GPR174: variants seen among roughly 807,000 people sequenced by gnomAD.
The protein encoded by GPR174 is probable G protein-coupled receptor 174.
A neutral mutation model predicts 16.5 loss-of-function variants in GPR174; 8 were observed. That is an observed-to-expected ratio of 0.48 (90% confidence interval 0.28 to 0.87). The LOEUF is 0.87. Among genes scored for constraint, GPR174 ranks in the 40% least tolerant of loss-of-function variants. The probability of loss-of-function intolerance (pLI) is 0.09; values close to 1 mark genes in which losing one functional copy is unlikely to be tolerated. For missense variants in GPR174, 214 were observed against 247.5 expected (o/e 0.86, Z 0.91); for synonymous variants, 111 against 94.8 (o/e 1.17, Z -0.99).
At chrX:79,168,371 C>T (rs1003268495) in intron 2 of GPR174, among the ~76,000 whole-genome samples, 7 of 111,391 alleles carry the variant, frequency 6.3e-5, no homozygotes, top group African/African-American at 2.3e-4. Flanking sequence ...CTTCACACCC[C>T]AGATGGCATC....
chrX:79,161,013 T>C (rs918692338), intron 2 of GPR174, among the ~76,000 whole-genome samples: 2 of 112,097 alleles, frequency 1.8e-5, no homozygotes, highest in Non-Finnish European at 3.8e-5. Context: ...GATAGTTAAG[T>C]AGGTAAGTAG....
chrX:79,145,556 T>C (rs983575285), intron 1 of GPR174, among the ~76,000 whole-genome samples: 1 of 111,754 alleles, frequency 8.9e-6, no homozygotes, highest in Admixed American at 9.5e-5. Context: ...TTAAGTAGAG[T>C]TGCTTACATA....
intron 1 of GPR174, among the ~76,000 whole-genome samples, chrX:79,147,873 T>G (rs769053979): frequency 8.9e-6 from 1 of 111,950 alleles, no homozygotes; most frequent in South Asian, 3.7e-4. Flanking sequence ...GAGTGCTATC[T>G]GAGATCTGAA....
At position 79,172,072 on chromosome X, in the gene GPR174, C is replaced by T. The variant is rs769649055; in HGVS notation, c.*63C>T. 101 of 1,069,005 alleles carry T rather than the reference C, an allele frequency of 9.4e-5. 1 individual carries two copies. In the South Asian group the frequency reaches 2.1e-3, roughly 23 times the overall value. 88.1% of individuals were successfully genotyped at this position (1,069,005 alleles called of 1,213,427 possible). A position where few individuals can be genotyped will look rare whatever the true frequency, so the allele number is the denominator to read the frequency against. ...TACATCAGAACATATCTGCAATACC[C>T]AAGCCACAGGGAAGAACTTGCAAAA... On this transcript the variant is annotated 3_prime_UTR_variant, in exon 3 of 3. Transcript: ENST00000645147.
chrX:79,147,153 T>C (rs1602334420), intron 1 of GPR174, among the ~76,000 whole-genome samples: 1 of 111,425 alleles, frequency 9.0e-6, no homozygotes, highest in East Asian at 2.8e-4. Flanking sequence ...AGTAGGTTCA[T>C]AGTGCACATT....
In GPR174 at chrX:79,175,168, T is replaced by C. The variant is rs1921611820; in HGVS notation, c.*3159T>C. 9.0e-6 allele frequency: 1 copy of C among 111,532 alleles called. No homozygotes were observed. Among genetic ancestry groups the C allele is most frequent in the Non-Finnish European group, 1.9e-5 (1 of 53,087 alleles). The allele number at this position is 111,532 out of a possible 1,213,427, so 9.2% of individuals were successfully genotyped here. On this transcript the variant is annotated 3_prime_UTR_variant, in exon 3 of 3. Transcript: ENST00000645147. ...AGCTGCCTTGGTCTGAGAGGGTGCA[T>C]CTGTGGAACTCTTGCGCAACTTACA...
rs187941424 is a variant in GPR174, at chrX:79,168,008, C to T, written c.-556-2444C>T. Among the ~76,000 whole-genome samples, 149 of 111,792 alleles carry T rather than the reference C, an allele frequency of 1.3e-3. 1 individual carries two copies. Among genetic ancestry groups the T allele is most frequent in the African/African-American group, 4.8e-3 (147 of 30,753 alleles). ...CAGTAGGGCAAAACTGGTGAATTTC[C>T]TAGGGGAACTAACCAGGCAAATACT... On this transcript the variant is annotated intron_variant, in intron 2 of 2. Transcript: ENST00000645147.
In GPR174 at chrX:79,172,353, A is replaced by G. The variant is rs992111431; in HGVS notation, c.*344A>G. On this transcript the variant is annotated 3_prime_UTR_variant, in exon 3 of 3. Coordinates refer to ENST00000645147, the MANE Select transcript of GPR174 (RefSeq NM_032553.3). The stretch of plus-strand genomic sequence containing the variant: ...TTATTAGCTTGGAGTCACCATAAAC[A>G]TTTAGTTTTGTTGCAACAGATACTG... 5.6e-6 allele frequency: 1 copy of G among 177,912 alleles called. No individual in the cohort carries two copies. Among genetic ancestry groups the G allele is most frequent in the Non-Finnish European group, 1.1e-5 (1 of 94,569 alleles). The allele number at this position is 177,912 out of a possible 1,213,427, so 14.7% of individuals were successfully genotyped here. A position where few individuals can be genotyped will look rare whatever the true frequency, so the allele number is the denominator to read the frequency against.
intron 2 of GPR174, among the ~76,000 whole-genome samples, chrX:79,165,396 C>T (rs1424139670): frequency 1.8e-5 from 2 of 110,081 alleles, no homozygotes; most frequent in African/African-American, 6.6e-5. Context: ...ATTGTATATG[C>T]TCCAGAAATT....
intron 1 of GPR174, among the ~76,000 whole-genome samples, chrX:79,154,020 A>T (rs1377917795): frequency 8.9e-6 from 1 of 112,030 alleles, no homozygotes; most frequent in Non-Finnish European, 1.9e-5. Flanking sequence ...TTCTTCCAGA[A>T]AATGAGAAAA....
chrX:79,149,755 C>G (rs781676228), intron 1 of GPR174, among the ~76,000 whole-genome samples: 16 of 108,962 alleles, frequency 1.5e-4, no homozygotes, highest in African/African-American at 4.7e-4. Context: ...TGGGGATACC[C>G]AGTTTTGCTC....
At chrX:79,166,740 G>T (rs764591875) in intron 2 of GPR174, among the ~76,000 whole-genome samples, 4 of 110,511 alleles carry the variant, frequency 3.6e-5, no homozygotes, top group African/African-American at 1.3e-4. Context: ...CGGCCTAAAG[G>T]GTTCTTCTTA....
intron 1 of GPR174, among the ~76,000 whole-genome samples, chrX:79,153,668 T>C (rs181781042): frequency 2.0e-3 from 226 of 112,069 alleles, no homozygotes; most frequent in Non-Finnish European, 3.7e-3. Flanking sequence ...CACTGGTATT[T>C]GATGTAAAAA....
intron 1 of GPR174, among the ~76,000 whole-genome samples, chrX:79,156,420 T>C (rs1921100501): frequency 8.9e-6 from 1 of 112,423 alleles, no homozygotes; most frequent in Non-Finnish European, 1.9e-5. Context: ...GTTATGGTCA[T>C]GCCAACTATT....
At chrX:79,169,056 C>T (rs1921445741) in intron 2 of GPR174, among the ~76,000 whole-genome samples, 1 of 111,614 alleles carries the variant, frequency 9.0e-6, no homozygotes, top group African/African-American at 3.3e-5. Flanking sequence ...CAATAACTTC[C>T]CATAAGAACT....
rs150338797 is a variant in GPR174 at position 79,159,375 on chromosome X, T to C, written c.-557+2457T>C. The stretch of plus-strand genomic sequence containing the variant: ...TCATGAAAATTTATTAAATTATTTT[T>C]TCCTGGATACATTAGATAGCATTCA... On this transcript the variant is annotated intron_variant, in intron 2 of 2. Transcript: ENST00000645147. 6.2e-5 allele frequency among the ~76,000 whole-genome samples: 7 copies of C among 112,505 alleles called. No individual in the cohort carries two copies. In the East Asian group the frequency reaches 1.9e-3, roughly 31 times the overall value.
At chrX:79,153,376 C>G (rs1011334131) in intron 1 of GPR174, among the ~76,000 whole-genome samples, 5 of 111,868 alleles carry the variant, frequency 4.5e-5, no homozygotes, top group East Asian at 5.6e-4. Context: ...TTTGTCCTAG[C>G]TTGATAGTTT....
intron 1 of GPR174, among the ~76,000 whole-genome samples, chrX:79,151,278 A>T (rs781490661): frequency 3.3e-4 from 37 of 111,782 alleles, no homozygotes; most frequent in African/African-American, 1.2e-3. Context: ...TGCTTTCTCC[A>T]TTTTACAGAT....
At chrX:79,169,038 A>G (rs1244944869) in intron 2 of GPR174, among the ~76,000 whole-genome samples, 2 of 111,992 alleles carry the variant, frequency 1.8e-5, no homozygotes, top group Non-Finnish European at 3.8e-5. Flanking sequence ...ATATTCATAA[A>G]TAAAAAACAA....
Sources: allele counts gnomAD v4.1 joint callset (sites outside exome capture counted in the v4.1 genomes callset), GRCh38; gene constraint gnomAD v4.1.1; transcripts MANE v1.5; gene names NCBI Gene and HGNC (gene_info 2026-07-23, HGNC 2026-07-21).